Variants in MINDY3 observed in about 807,000 individuals in gnomAD.
MINDY3 encodes ubiquitin carboxyl-terminal hydrolase MINDY-3.
MINDY3 carries 38 observed loss-of-function variants against 69.2 expected under a neutral mutation model. That is an observed-to-expected ratio of 0.55 (90% CI 0.42 to 0.72). The LOEUF is 0.72. Among genes scored for constraint, MINDY3 ranks in the 30% least tolerant of loss-of-function variants. The pLI, the probability that MINDY3 is intolerant of heterozygous loss-of-function variation, is 0.00. For missense variants in MINDY3, 522 were observed against 519.0 expected (o/e 1.01, Z -0.06); for synonymous variants, 192 against 180.1 (o/e 1.07, Z -0.53).
chr10:15,848,081 G>A, intron 1 of MINDY3, 138 bp from the exon 2 acceptor site: 1 of 668,876 alleles, frequency 1.5e-6, no homozygotes, highest in Non-Finnish European at 2.6e-6. Flanking sequence ...GTGGATCAAG[G>A]AACCTTTTGA....
chr10:15,780,033 A>G (rs1489949523), intron 14 of MINDY3, among the ~76,000 whole-genome samples: 1 of 152,204 alleles, frequency 6.6e-6, no homozygotes, highest in East Asian at 1.9e-4. Flanking sequence ...TTTAAAAGAA[A>G]CAGATACAGA....
intron 6 of MINDY3, among the ~76,000 whole-genome samples, chr10:15,835,320 A>G (rs1350281948): frequency 2.0e-5 from 3 of 152,022 alleles, no homozygotes; most frequent in Non-Finnish European, 4.4e-5. Context: ...ATAAACTGCT[A>G]TTCATTGTTC....
chr10:15,789,969 G>A (rs1351044345), intron 11 of MINDY3, among the ~76,000 whole-genome samples: 1 of 152,140 alleles, frequency 6.6e-6, no homozygotes, highest in Non-Finnish European at 1.5e-5. Flanking sequence ...GGGGTAGTTT[G>A]AAATGAGAGT....
intron 3 of MINDY3, among the ~76,000 whole-genome samples, chr10:15,841,875 G>GAC (rs920673584): frequency 1.3e-5 from 2 of 151,640 alleles, no homozygotes; most frequent in African/African-American, 4.8e-5. Context: ...ATCATAATGT[G>GAC]ACACTGATCA....
chr10:15,848,553 G>C (rs1325523318), intron 1 of MINDY3, among the ~76,000 whole-genome samples: 1 of 137,580 alleles, frequency 7.3e-6, no homozygotes, highest in East Asian at 2.5e-4. Context: ...AGAATGGCGT[G>C]AACCTAGCAG....
At position 15,778,944 on chromosome 10, in the gene MINDY3, T is replaced by A; in HGVS notation, c.*48A>T. On this transcript the variant is annotated 3_prime_UTR_variant, in exon 15 of 15. Coordinates refer to ENST00000277632, the MANE Select transcript of MINDY3 (RefSeq NM_024948.4). ...CAGCCAATTGCCAGTCTTGACTCCT[T>A]CTTTCAACATCTGTTATTAAGATCT... 6.4e-7 allele frequency: 1 copy of A among 1,559,978 alleles called. No individual in the cohort carries two copies. The highest frequency in any genetic ancestry group is 1.2e-5 in the South Asian group (1 of 85,596).
Position 15,860,441 on chromosome 10 carries a change from A to G in MINDY3, c.-142T>C. On this transcript the variant is annotated 5_prime_UTR_variant, in exon 1 of 15. Coordinates refer to ENST00000277632, the MANE Select transcript of MINDY3 (RefSeq NM_024948.4). ...AGGCAGGAAAGAAGAAGGGGCTGAG[A>G]GCCACTTGCAGAGACCAAGCCTGTC... The G allele has an allele frequency of 1.4e-6, 1 of 693,920 alleles. No homozygotes were observed. The highest frequency in any genetic ancestry group is 1.6e-5 in the South Asian group (1 of 63,992). The allele number at this position is 693,920 out of a possible 1,614,324, so 43.0% of individuals were successfully genotyped here. A position where few individuals can be genotyped will look rare whatever the true frequency, so the allele number is the denominator to read the frequency against.
intron 10 of MINDY3, among the ~76,000 whole-genome samples, chr10:15,810,951 A>G (rs1838957708): frequency 6.6e-6 from 1 of 152,190 alleles, no homozygotes. Context: ...AAAGATGCTC[A>G]TTAGTCATTA....
intron 2 of MINDY3, among the ~76,000 whole-genome samples, chr10:15,846,574 AT>A: frequency 6.6e-6 from 1 of 152,324 alleles, no homozygotes; most frequent in Non-Finnish European, 1.5e-5. Flanking sequence ...ACTTAAAAAA[AT>A]AAATGATCTA....
intron 10 of MINDY3, 37 bp from the exon 11 acceptor site, chr10:15,796,209 G>C: frequency 6.5e-7 from 1 of 1,528,726 alleles, no homozygotes; most frequent in Non-Finnish European, 9.1e-7. Context: ...ACCAGCTACA[G>C]TATTATGACA....
At position 15,790,910 on chromosome 10, in the gene MINDY3, C is replaced by T. The variant is rs560508244; in HGVS notation, c.956-1591G>A. Among the ~76,000 whole-genome samples, 9 of 152,178 alleles carry T rather than the reference C, an allele frequency of 5.9e-5. No homozygotes were observed. In the South Asian group the frequency reaches 6.2e-4, roughly 11 times the overall value. The stretch of plus-strand genomic sequence containing the variant: ...ACTTTGTCATGGCTGGCAGCCTTTC[C>T]GCAGAAACCATAACCTGCAACTCAG... On this transcript the variant is annotated intron_variant, in intron 11 of 14. Transcript: ENST00000277632.
chr10:15,782,993 C>T (rs944586985), intron 13 of MINDY3, among the ~76,000 whole-genome samples: 2 of 152,198 alleles, frequency 1.3e-5, no homozygotes, highest in Non-Finnish European at 2.9e-5. Flanking sequence ...CTGAGTCTGC[C>T]TGGATAGATC....
chr10:15,822,033 T>C (rs545112950), intron 8 of MINDY3, among the ~76,000 whole-genome samples: 8 of 152,290 alleles, frequency 5.3e-5, no homozygotes, highest in African/African-American at 1.9e-4. Flanking sequence ...ATGCCATTGT[T>C]GACAAAAATA....
chr10:15,823,035 A>G (rs1446774127), intron 8 of MINDY3, among the ~76,000 whole-genome samples: 1 of 152,152 alleles, frequency 6.6e-6, no homozygotes, highest in Non-Finnish European at 1.5e-5. Context: ...CCATTAGGAT[A>G]TATTTTCTTA....
intron 4 of MINDY3, 113 bp from the exon 5 acceptor site, chr10:15,838,392 C>G: frequency 1.2e-6 from 1 of 805,614 alleles, no homozygotes; most frequent in African/African-American, 1.8e-5. Context: ...TTTCCTTACT[C>G]CCTTAAAATT....
chr10:15,841,313 GA>G, intron 4 of MINDY3, 112 bp downstream of exon 4: 1 of 807,408 alleles, frequency 1.2e-6, no homozygotes, highest in Non-Finnish European at 1.9e-6. Flanking sequence ...GCTTAAGCTG[GA>G]AAAGAATACA....
At chr10:15,824,662 A>G (rs1050800725) in intron 8 of MINDY3, among the ~76,000 whole-genome samples, 1 of 152,210 alleles carries the variant, frequency 6.6e-6, no homozygotes, top group African/African-American at 2.4e-5. Context: ...AAAAGAATAC[A>G]TACATTGGGA....
rs910394939 is a variant in MINDY3 at position 15,821,697 on chromosome 10, C to T, written c.760G>A (p.Val254Ile). The T allele has an allele frequency of 1.9e-6, 3 of 1,611,732 alleles. No homozygotes were observed. The highest frequency in any genetic ancestry group is 2.7e-5 in the African/African-American group (2 of 74,746). ...GCTTCCATTAGTGTTAAAAATCCTACTGCTGCTTGTTCATGTATACCAAGA... is the reference window on the plus strand; with the variant it reads ...GCTTCCATTAGTGTTAAAAATCCTATTGCTGCTTGTTCATGTATACCAAGA... ...KLLGIHEQAA[V>I]GFLTLMEALR... Residue 254 changes from valine to isoleucine, a missense_variant, in exon 9 of 15, where the codon GTA becomes ATA. By Grantham distance (29) the Val-to-Ile change is conservative. Transcript: ENST00000277632.
chr10:15,855,014 C>T (rs1054296674), intron 1 of MINDY3, among the ~76,000 whole-genome samples: 1 of 152,044 alleles, frequency 6.6e-6, no homozygotes, highest in Non-Finnish European at 1.5e-5. Flanking sequence ...CTAAACTTTT[C>T]GTGTATGAAA....
Sources: gnomAD v4.1 joint callset for allele counts (sites outside exome capture counted in the v4.1 genomes callset) on GRCh38, gnomAD v4.1.1 for gene constraint, MANE v1.5 for transcripts, NCBI Gene and HGNC (gene_info 2026-07-23, HGNC 2026-07-21) for gene names.